The following DCBLD1 variants were observed in gnomAD, a reference collection of about 807,000 sequenced individuals.
DCBLD1 encodes the protein discoidin, CUB and LCCL domain-containing protein 1.
A neutral mutation model predicts 71.5 loss-of-function variants in DCBLD1; 57 were observed. The observed-to-expected ratio is 0.80, with a 90% CI of 0.64 to 0.99. The LOEUF is 0.99. Among genes scored for constraint, DCBLD1 ranks in the 50% least tolerant of loss-of-function variants. The pLI is 0.00. For synonymous variants in DCBLD1, 380 were observed against 363.8 expected, an observed-to-expected ratio of 1.04 and a Z score of -0.51; for missense variants, 891 against 923.5, an observed-to-expected ratio of 0.96 and a Z score of 0.46.
intron 2 of DCBLD1, among the ~76,000 whole-genome samples, chr6:117,508,933 G>C (rs12179623): frequency 1.4e-5 from 2 of 140,348 alleles, no homozygotes; most frequent in Non-Finnish European, 3.2e-5. Flanking sequence ...AACCAGGCTG[G>C]CCTTGAAAAT....
intron 14 of DCBLD1, among the ~76,000 whole-genome samples, chr6:117,565,164 T>C (rs1367322132): frequency 6.6e-6 from 1 of 152,172 alleles, no homozygotes; most frequent in East Asian, 1.9e-4. Flanking sequence ...AACTCTATGT[T>C]CCAAACAAAA....
intron 1 of DCBLD1, among the ~76,000 whole-genome samples, chr6:117,483,628 C>A (rs778383708): frequency 2.0e-5 from 3 of 152,142 alleles, no homozygotes; most frequent in Non-Finnish European, 4.4e-5. Flanking sequence ...CTCTGCCTGT[C>A]CAGCATATTA....
intron 14 of DCBLD1, chr6:117,566,713 T>A: frequency 9.1e-6 from 5 of 551,530 alleles, no homozygotes; most frequent in Non-Finnish European, 1.5e-5. Context: ...TAGTATACAA[T>A]AAAACAATAA....
Position 117,521,424 on chromosome 6 carries a change from A to G in DCBLD1, c.461-101A>G, listed in dbSNP as rs1778380234. 1.3e-5 allele frequency: 13 copies of G among 1,003,490 alleles called. No individual in the cohort carries two copies. In the South Asian group the frequency reaches 1.9e-4, roughly 14 times the overall value. 62.2% of individuals were successfully genotyped at this position (1,003,490 alleles called of 1,614,324 possible). A position where few individuals can be genotyped will look rare whatever the true frequency, so the allele number is the denominator to read the frequency against. On this transcript the variant is annotated intron_variant, in intron 3 of 14. Transcript: ENST00000338728. ...ATTCTGATAACTACATAGTGAATAA[A>G]TGCTTTTTAAAAACTCTTTTATTTT...
intron 14 of DCBLD1, among the ~76,000 whole-genome samples, chr6:117,566,050 T>C (rs537126786): frequency 1.3e-4 from 20 of 152,252 alleles, no homozygotes; most frequent in African/African-American, 4.3e-4. Context: ...TTAAGCAAAA[T>C]TGGTATCTTC....
intron 14 of DCBLD1, 108 bp from the exon 15 acceptor site, chr6:117,547,799 C>T (rs928847217): frequency 3.2e-6 from 5 of 1,542,676 alleles, no homozygotes; most frequent in South Asian, 1.2e-5. Context: ...TGAGGGCACC[C>T]GGGGGGAAAG....
chr6:117,562,050 C>T (rs1255369776), intron 14 of DCBLD1: 1 of 206,214 alleles, frequency 4.8e-6, no homozygotes, highest in Non-Finnish European at 9.9e-6. Context: ...AAGCTATCAC[C>T]TCTTTAATGC....
intron 2 of DCBLD1, 106 bp from the exon 3 acceptor site, chr6:117,519,710 A>G (rs1439396879): frequency 4.3e-6 from 6 of 1,379,706 alleles, no homozygotes; most frequent in Non-Finnish European, 5.9e-6. Context: ...AATCATACAT[A>G]TGTATTGTCT....
chr6:117,507,545 TATC>T (rs1449651593), intron 2 of DCBLD1, among the ~76,000 whole-genome samples: 1 of 152,222 alleles, frequency 6.6e-6, no homozygotes, highest in Non-Finnish European at 1.5e-5. Flanking sequence ...CTTTAAGAAG[TATC>T]ATACTTTTCT....
intron 14 of DCBLD1, among the ~76,000 whole-genome samples, chr6:117,556,399 G>A (rs1779496125): frequency 6.6e-6 from 1 of 152,082 alleles, no homozygotes; most frequent in Admixed American, 6.5e-5. Flanking sequence ...AGTCTCCAAC[G>A]TCTATTATTC....
chr6:117,547,604 TCTC>T, intron 14 of DCBLD1: 2 of 655,992 alleles, frequency 3.0e-6, no homozygotes, highest in South Asian at 3.0e-5. Context: ...CTCCATAGCT[TCTC>T]CAGAGCCAGT....
intron 14 of DCBLD1, chr6:117,569,505 T>A: frequency 6.4e-7 from 1 of 1,568,368 alleles, no homozygotes; most frequent in Non-Finnish European, 8.6e-7. Flanking sequence ...CGTAGGGAAG[T>A]ATACAGTGTT....
intron 7 of DCBLD1, among the ~76,000 whole-genome samples, chr6:117,537,482 T>G (rs575295189): frequency 6.7e-6 from 1 of 148,386 alleles, no homozygotes; most frequent in Non-Finnish European, 1.5e-5. Context: ...TGCAGTGAGC[T>G]GAGATTGCGC....
chr6:117,509,250 G>A (rs1205521320), intron 2 of DCBLD1, among the ~76,000 whole-genome samples: 1 of 152,100 alleles, frequency 6.6e-6, no homozygotes, highest in African/African-American at 2.4e-5. Context: ...TGGACAACAT[G>A]GCAACCCCCC....
At position 117,539,243 on chromosome 6, in the gene DCBLD1, T is replaced by C; in HGVS notation, c.977-12T>C. The C allele has an allele frequency of 6.5e-7, 1 of 1,528,850 alleles. No individual in the cohort carries two copies. The highest frequency in any genetic ancestry group is 8.7e-7 in the Non-Finnish European group (1 of 1,143,288). The allele number at this position is 1,528,850 out of a possible 1,614,324, so 94.7% of individuals were successfully genotyped here. A position where few individuals can be genotyped will look rare whatever the true frequency, so the allele number is the denominator to read the frequency against. On this transcript the variant is annotated splice_polypyrimidine_tract_variant and intron_variant, in intron 8 of 14. Coordinates refer to ENST00000338728, the MANE Select transcript of DCBLD1 (RefSeq NM_001366458.2). ...TTTTAAAAATAGCCTGTAAATATTATTTTCTTACAAGGAATTAGGACCACA... is the reference window on the plus strand; with the variant it reads ...TTTTAAAAATAGCCTGTAAATATTACTTTCTTACAAGGAATTAGGACCACA...
At chr6:117,518,306 A>G (rs1778273654) in intron 2 of DCBLD1, among the ~76,000 whole-genome samples, 1 of 152,202 alleles carries the variant, frequency 6.6e-6, no homozygotes, top group African/African-American at 2.4e-5. Flanking sequence ...AGACCACCTC[A>G]GCGTGGACAT....
At chr6:117,507,920 G>C (rs1053976941) in intron 2 of DCBLD1, 26 of 152,184 alleles carry the variant, frequency 1.7e-4, no homozygotes, top group African/African-American at 6.3e-4. Context: ...CTTCAAGAAT[G>C]AGAACTAAAT....
At chr6:117,507,063 A>T (rs1777868133) in intron 2 of DCBLD1, among the ~76,000 whole-genome samples, 1 of 152,234 alleles carries the variant, frequency 6.6e-6, no homozygotes, top group Non-Finnish European at 1.5e-5. Flanking sequence ...TAATGTTTTG[A>T]AAAAGAATAA....
At chr6:117,485,884 A>G (rs560725304) in intron 1 of DCBLD1, among the ~76,000 whole-genome samples, 1 of 152,372 alleles carries the variant, frequency 6.6e-6, no homozygotes, top group African/African-American at 2.4e-5. Flanking sequence ...AGCAGAAAGA[A>G]GGGAACATGC....
Sources: gnomAD v4.1 joint callset for allele counts (sites outside exome capture counted in the v4.1 genomes callset) on GRCh38, gnomAD v4.1.1 for gene constraint, MANE v1.5 for transcripts, NCBI Gene and HGNC (gene_info 2026-07-23, HGNC 2026-07-21) for gene names.